Variants in DLGAP4 observed in about 807,000 individuals in gnomAD.
The protein encoded by DLGAP4 is DLG associated protein 4, also known as disks large-associated protein 4.
DLGAP4 carries 18 observed loss-of-function variants against 86.9 expected under a neutral mutation model. That is an observed-to-expected ratio of 0.21 (90% CI 0.14 to 0.31). The LOEUF (loss-of-function observed/expected upper bound fraction) is 0.31, where lower values mean the gene tolerates loss of function less well. Ranked by LOEUF, DLGAP4 falls within the 10% of genes least tolerant of loss-of-function variation. The pLI is 1.00. For missense variants in DLGAP4, 1,085 were observed against 1,362.6 expected (o/e 0.80, Z 3.21); for synonymous variants, 548 against 574.3 (o/e 0.95, Z 0.65).
intron 7 of DLGAP4, chr20:36,462,067 T>C: frequency 1.0e-6 from 1 of 990,338 alleles, no homozygotes; most frequent in Non-Finnish European, 1.2e-6. Context: ...GCACATCCTT[T>C]GGGGGTTCTG....
At chr20:36,438,132 G>A (rs999374319) in intron 4 of DLGAP4, among the ~76,000 whole-genome samples, 2 of 152,112 alleles carry the variant, frequency 1.3e-5, no homozygotes, top group Non-Finnish European at 2.9e-5. Flanking sequence ...CCTGCACTTT[G>A]GGAGGCCAAG....
chr20:36,429,068 GTTTA>G (rs752612395), intron 2 of DLGAP4, among the ~76,000 whole-genome samples: 2 of 152,062 alleles, frequency 1.3e-5, no homozygotes, highest in Non-Finnish European at 2.9e-5. Flanking sequence ...CTTCCTGCCT[GTTTA>G]TTTATTTATT....
chr20:36,406,038 G>GCATTCAGCCCCCTGTTCCACC (rs910920558), intron 2 of DLGAP4, among the ~76,000 whole-genome samples: 4 of 152,166 alleles, frequency 2.6e-5, no homozygotes, highest in African/African-American at 9.7e-5. Flanking sequence ...CATAAGGAGA[G>GCATTCAGCCCCCTGTTCCACC]CATTCAGCCC....
At chr20:36,461,518 C>CCCGCCGCTGG (rs1052310202) in intron 7 of DLGAP4, 14 of 983,678 alleles carry the variant, frequency 1.4e-5, no homozygotes, top group East Asian at 1.1e-4. Flanking sequence ...AGGGTGAGTG[C>CCCGCCGCTGG]CCGCCGCTGG....
intron 1 of DLGAP4, among the ~76,000 whole-genome samples, chr20:36,344,568 G>A (rs1555892785): frequency 1.3e-5 from 2 of 152,138 alleles, no homozygotes; most frequent in African/African-American, 4.8e-5. Context: ...ACATTGCTGG[G>A]GTGTGTAGAG....
At chr20:36,366,572 T>C (rs1197475843) in intron 1 of DLGAP4, among the ~76,000 whole-genome samples, 3 of 152,190 alleles carry the variant, frequency 2.0e-5, no homozygotes, top group Non-Finnish European at 4.4e-5. Context: ...GAGAAGGCAC[T>C]CTTGTTCCCA....
At chr20:36,491,752 G>A (rs1227826860) in intron 7 of DLGAP4, among the ~76,000 whole-genome samples, 2 of 152,222 alleles carry the variant, frequency 1.3e-5, no homozygotes, top group African/African-American at 4.8e-5. Flanking sequence ...ATACTAAAGT[G>A]TTGGGAGCCT....
At chr20:36,394,936 G>T (rs1265252556) in intron 2 of DLGAP4, among the ~76,000 whole-genome samples, 2 of 152,106 alleles carry the variant, frequency 1.3e-5, no homozygotes, top group East Asian at 3.9e-4. Flanking sequence ...GGATAAAAAT[G>T]CCTCACTGGG....
At position 36,330,024 on chromosome 20, in the gene DLGAP4, C is replaced by CAA. The variant is rs574074810; in HGVS notation, c.-304+23527_-304+23528dup. On this transcript the variant is annotated intron_variant, in intron 1 of 12. Coordinates refer to ENST00000339266, the MANE Select transcript of DLGAP4 (RefSeq NM_001365621.2). ...GGGTGACAGAGCAAGACTCTTGTCT[C>CAA]AAAAAAAAAAAAAAAAGACTGAAAG... Among the ~76,000 whole-genome samples, 200 of 116,290 alleles carry CAA rather than the reference C, an allele frequency of 1.7e-3. 1 individual carries two copies. The highest frequency in any genetic ancestry group is 0.013 in the East Asian group (52 of 3,914). 76.3% of individuals were successfully genotyped at this position (116,290 alleles called of 152,430 possible). A position where few individuals can be genotyped will look rare whatever the true frequency, so the allele number is the denominator to read the frequency against.
chr20:36,337,577 A>G (rs1175858924), intron 1 of DLGAP4, among the ~76,000 whole-genome samples: 2 of 152,140 alleles, frequency 1.3e-5, no homozygotes, highest in Non-Finnish European at 2.9e-5. Flanking sequence ...GACAGGAGGC[A>G]GGGACACTGG....
At chr20:36,490,869 C>T (rs898069844) in intron 7 of DLGAP4, among the ~76,000 whole-genome samples, 3 of 152,124 alleles carry the variant, frequency 2.0e-5, no homozygotes, top group Non-Finnish European at 4.4e-5. Context: ...ATTTGAAGCT[C>T]TGTTTGGCCA....
chr20:36,494,667 ACT>A (rs1407040172), intron 7 of DLGAP4, among the ~76,000 whole-genome samples: 1 of 152,110 alleles, frequency 6.6e-6, no homozygotes, highest in South Asian at 2.1e-4. Context: ...CCATCCCCAC[ACT>A]CAATACAGGA....
At chr20:36,375,066 C>T (rs2031099243) in intron 2 of DLGAP4, among the ~76,000 whole-genome samples, 1 of 152,240 alleles carries the variant, frequency 6.6e-6, no homozygotes, top group Non-Finnish European at 1.5e-5. Flanking sequence ...TTGCATTTTA[C>T]ACAGAAGGAA....
chr20:36,502,155 C>T (rs2036172535), intron 10 of DLGAP4, among the ~76,000 whole-genome samples: 1 of 152,178 alleles, frequency 6.6e-6, no homozygotes, highest in Non-Finnish European at 1.5e-5. Flanking sequence ...CCCTTTCTCC[C>T]ACCCTCTGTG....
chr20:36,448,808 C>A (rs940369641), intron 7 of DLGAP4, among the ~76,000 whole-genome samples: 1 of 152,100 alleles, frequency 6.6e-6, no homozygotes, highest in African/African-American at 2.4e-5. Context: ...GTGGTGCACA[C>A]CTGTAGTTCT....
chr20:36,449,858 G>A (rs2033690277), intron 7 of DLGAP4, among the ~76,000 whole-genome samples: 1 of 152,200 alleles, frequency 6.6e-6, no homozygotes. Flanking sequence ...CAAAATCAGT[G>A]TAATACAACA....
chr20:36,417,333 T>C (rs979294425), intron 2 of DLGAP4, among the ~76,000 whole-genome samples: 1 of 152,018 alleles, frequency 6.6e-6, no homozygotes, highest in Non-Finnish European at 1.5e-5. Flanking sequence ...CTGGCATGGC[T>C]TTGGTGGGCT....
At chr20:36,525,672 G>T in intron 11 of DLGAP4, 179 bp from the exon 12 acceptor site, 1 of 769,376 alleles carries the variant, frequency 1.3e-6, no homozygotes, top group Non-Finnish European at 2.1e-6. Flanking sequence ...CCACCACTAG[G>T]GCTGGTGCTG....
At chr20:36,346,885 G>A (rs1443269394) in intron 1 of DLGAP4, among the ~76,000 whole-genome samples, 3 of 152,168 alleles carry the variant, frequency 2.0e-5, no homozygotes, top group Non-Finnish European at 2.9e-5. Context: ...TCACAGGGCT[G>A]GGGAGGGGTT....
Sources: allele counts gnomAD v4.1 joint callset (sites outside exome capture counted in the v4.1 genomes callset), GRCh38; gene constraint gnomAD v4.1.1; transcripts MANE v1.5; gene names NCBI Gene and HGNC (gene_info 2026-07-23, HGNC 2026-07-21).